Variants in BCHE observed in about 807,000 individuals in gnomAD.
BCHE encodes the protein cholinesterase.
A neutral mutation model predicts 51.3 loss-of-function variants in BCHE; 48 were observed. That is an observed-to-expected ratio of 0.94 (90% CI 0.74 to 1.19). The LOEUF is 1.19. Among genes scored for constraint, BCHE ranks in the 50% most tolerant of loss-of-function variants. BCHE has a pLI of 0.00. For missense variants in BCHE, 847 were observed against 708.2 expected (o/e 1.20, Z -2.23); for synonymous variants, 251 against 238.0 (o/e 1.05, Z -0.50).
chr3:165,816,781 TAC>T (rs1714327561), intron 2 of BCHE, among the ~76,000 whole-genome samples: 1 of 152,016 alleles, frequency 6.6e-6, no homozygotes, highest in African/African-American at 2.4e-5. Flanking sequence ...ATTCTCTCTC[TAC>T]AGTTTTTTCT....
intron 2 of BCHE, among the ~76,000 whole-genome samples, chr3:165,799,872 A>C (rs990247414): frequency 2.6e-5 from 4 of 152,058 alleles, no homozygotes; most frequent in African/African-American, 7.2e-5. Context: ...TGTGCTACCT[A>C]CCATATAAAA....
At chr3:165,790,497 T>C (rs76788270) in intron 2 of BCHE, among the ~76,000 whole-genome samples, 265 of 152,342 alleles carry the variant, frequency 1.7e-3, no homozygotes, top group African/African-American at 6.2e-3. Context: ...ACAGGGCTTT[T>C]CTGAGTTCTA....
At chr3:165,808,453 ATATATTCCT>A (rs372934097) in intron 2 of BCHE, among the ~76,000 whole-genome samples, 1 of 152,096 alleles carries the variant, frequency 6.6e-6, no homozygotes, top group African/African-American at 2.4e-5. Context: ...TGAGAAAGTC[ATATATTCCT>A]TTTAGTAGCT....
intron 2 of BCHE, among the ~76,000 whole-genome samples, chr3:165,787,008 G>A (rs573294229): frequency 1.1e-4 from 16 of 151,716 alleles, no homozygotes; most frequent in Non-Finnish European, 1.8e-4. Context: ...GAGTTCCCCA[G>A]TAAATCCCTC....
At chr3:165,812,484 A>G (rs1395831047) in intron 2 of BCHE, among the ~76,000 whole-genome samples, 2 of 152,006 alleles carry the variant, frequency 1.3e-5, no homozygotes, top group African/African-American at 2.4e-5. Flanking sequence ...ATACTTTCAA[A>G]CAAATGGAGT....
At chr3:165,783,273 G>A (rs754946321) in intron 3 of BCHE, among the ~76,000 whole-genome samples, 1 of 151,908 alleles carries the variant, frequency 6.6e-6, no homozygotes, top group Non-Finnish European at 1.5e-5. Context: ...TTTTGAGCAT[G>A]GGGTAAGAAC....
intron 2 of BCHE, among the ~76,000 whole-genome samples, chr3:165,807,022 A>G (rs1713894241): frequency 6.6e-6 from 1 of 152,058 alleles, no homozygotes; most frequent in Non-Finnish European, 1.5e-5. Flanking sequence ...TTTCCTTAAG[A>G]AATTATTACT....
At chr3:165,827,367 T>C (rs1300874137) in intron 2 of BCHE, among the ~76,000 whole-genome samples, 2 of 151,850 alleles carry the variant, frequency 1.3e-5, no homozygotes, top group African/African-American at 4.8e-5. Context: ...ATGACATATA[T>C]GTATTATTAT....
At chr3:165,784,892 G>C (rs906563226) in intron 3 of BCHE, among the ~76,000 whole-genome samples, 15 of 151,378 alleles carry the variant, frequency 9.9e-5, no homozygotes, top group Non-Finnish European at 1.5e-5. Flanking sequence ...TATCTCTTTG[G>C]GTCTCTTGGC....
intron 3 of BCHE, among the ~76,000 whole-genome samples, chr3:165,784,691 C>T (rs1294803931): frequency 6.6e-6 from 1 of 151,770 alleles, no homozygotes; most frequent in Non-Finnish European, 1.5e-5. Context: ...TGCTGATATT[C>T]AAATTTTATT....
At chr3:165,795,223 CAT>C (rs936195267) in intron 2 of BCHE, among the ~76,000 whole-genome samples, 1 of 152,186 alleles carries the variant, frequency 6.6e-6, no homozygotes, top group African/African-American at 2.4e-5. Flanking sequence ...AGTGTCGTGA[CAT>C]AGCAAAACGT....
chr3:165,804,319 T>C (rs1032328349), intron 2 of BCHE, among the ~76,000 whole-genome samples: 1 of 151,940 alleles, frequency 6.6e-6, no homozygotes, highest in South Asian at 2.1e-4. Context: ...TCAAGAAGAG[T>C]ATGAAAATGG....
chr3:165,822,818 G>T (rs983678371), intron 2 of BCHE, among the ~76,000 whole-genome samples: 1 of 151,960 alleles, frequency 6.6e-6, no homozygotes, highest in African/African-American at 2.4e-5. Flanking sequence ...TAGTGCTCTG[G>T]TCTTTCTCAT....
rs1340631453 is a variant in BCHE at position 165,782,931 on chromosome 3, AT to A, written c.1684+3213del. ...CATGAACTCATCACCTCCCGCAACG[AT>A]TCACCTTCTAATACCAGCACCTTAG... On this transcript the variant is annotated intron_variant, in intron 3 of 3. Transcript: ENST00000264381. Among the ~76,000 whole-genome samples, 8 of 152,042 alleles carry A rather than the reference AT, an allele frequency of 5.3e-5. No individual in the cohort carries two copies. In the South Asian group the frequency reaches 6.2e-4, roughly 12 times the overall value.
Position 165,779,723 on chromosome 3 carries a change from C to A in BCHE, c.1685-6217G>T, listed in dbSNP as rs562338640. Among the ~76,000 whole-genome samples the A allele has an allele frequency of 2.6e-5, 4 of 152,262 alleles. No homozygotes were observed. In the South Asian group the frequency reaches 8.3e-4, roughly 32 times the overall value. On this transcript the variant is annotated intron_variant, in intron 3 of 3. Transcript: ENST00000264381. Reference sequence around the variant, plus strand: ...AGCTAACAAAGGATGTTAAAGACCTCTTCAAGGAGAACTACAAACCATTGC... The same window carrying A: ...AGCTAACAAAGGATGTTAAAGACCTATTCAAGGAGAACTACAAACCATTGC...
chr3:165,811,535 G>C (rs1714095426), intron 2 of BCHE, among the ~76,000 whole-genome samples: 1 of 151,932 alleles, frequency 6.6e-6, no homozygotes, highest in Non-Finnish European at 1.5e-5. Flanking sequence ...TAATGCTCTA[G>C]GAATAACTGA....
Position 165,829,726 on chromosome 3 carries a change from C to T in BCHE, c.1308G>A (p.Lys436=), listed in dbSNP as rs1255053713. The T allele has an allele frequency of 6.2e-7, 1 of 1,613,918 alleles. No individual in the cohort carries two copies. Among genetic ancestry groups the T allele is most frequent in the Admixed American group, 1.7e-5 (1 of 59,942 alleles). ...FICPALEFTK[K]FSEWGNNAFF... Reference sequence around the variant, plus strand: ...AGGCATTATTTCCCCATTCTGAGAACTTCTTGGTGAACTCCAAGGCAGGGC... The same window carrying T: ...AGGCATTATTTCCCCATTCTGAGAATTTCTTGGTGAACTCCAAGGCAGGGC... The change falls in exon 2 of 4, where the codon AAG becomes AAA. Residue 436 remains lysine, a synonymous_variant. Coordinates refer to ENST00000264381, the MANE Select transcript of BCHE (RefSeq NM_000055.4).
At chr3:165,775,520 C>T (rs1164913693) in intron 3 of BCHE, among the ~76,000 whole-genome samples, 1 of 151,550 alleles carries the variant, frequency 6.6e-6, no homozygotes, top group Non-Finnish European at 1.5e-5. Context: ...AATAAAAACT[C>T]TAAATTCCAG....
rs1261709526 is a variant in BCHE at position 165,830,992 on chromosome 3, AAAGAG to A, written c.37_41del (p.Phe14ValfsTer14). ...TAAGCATGCAGAGCAAAAGAAACCA[AAAGAG>A]AAATCTGATGCATATGATTGTGACT... On this transcript the variant is annotated frameshift_variant, in exon 2 of 4. Coordinates refer to ENST00000264381, the MANE Select transcript of BCHE (RefSeq NM_000055.4). LOFTEE classifies it high-confidence loss of function. The A allele has an allele frequency of 1.2e-6, 2 of 1,613,556 alleles. No individual in the cohort carries two copies. The highest frequency in any genetic ancestry group is 1.7e-6 in the Non-Finnish European group (2 of 1,179,852).
Sources: allele counts gnomAD v4.1 joint callset (sites outside exome capture counted in the v4.1 genomes callset), GRCh38; gene constraint gnomAD v4.1.1; transcripts MANE v1.5; gene names NCBI Gene and HGNC (gene_info 2026-07-23, HGNC 2026-07-21).